Variants in PARD3B observed in about 807,000 individuals in gnomAD.
The protein encoded by PARD3B is par-3 family cell polarity regulator beta.
Under a neutral mutation model 130.2 loss-of-function variants are expected in PARD3B, and 103 were observed. That is an observed-to-expected ratio of 0.79 (90% confidence interval 0.67 to 0.93). The LOEUF is 0.93. Ranked by LOEUF, PARD3B falls within the 40% of genes least tolerant of loss-of-function variation. The pLI, the probability that PARD3B is intolerant of heterozygous loss-of-function variation, is 0.00. For missense variants in PARD3B, 1,609 were observed against 1,499.2 expected, an observed-to-expected ratio of 1.07 and a Z score of -1.21; for synonymous variants, 583 against 553.2, an observed-to-expected ratio of 1.05 and a Z score of -0.76.
chr2:204,678,807 C>T lies in PARD3B; in HGVS notation c.121-7374C>T, dbSNP rs965958819. On this transcript the variant is annotated intron_variant, in intron 1 of 22. Transcript: ENST00000406610. This position sits in a 1 kb window ranked among gnomAD's most constrained non-coding sequence, Gnocchi z 4.2. ...GGATAACTGTTTTCATTTAGGGCTG[C>T]AGATTCCAGGCTCGAGGGTGGGTTC... Among the ~76,000 whole-genome samples, 6 of 152,240 alleles carry T rather than the reference C, an allele frequency of 3.9e-5. No homozygotes were observed. The highest frequency in any genetic ancestry group is 3.3e-4 in the Admixed American group (5 of 15,294).
rs537427710 is a variant in PARD3B, at chr2:205,590,844, C to G, written c.3261-24612C>G. ...GTCAAACCAGTACACCAAACCCTCT[C>G]TGCTTCCGGTCTGCTTGTCATTTGA... is the stretch of plus-strand genomic sequence containing the variant. On this transcript the variant is annotated intron_variant, in intron 22 of 22. Transcript: ENST00000406610. The surrounding 1 kb of genome is among the most constrained non-coding windows in gnomAD (Gnocchi z 4.1). 1.3e-5 allele frequency among the ~76,000 whole-genome samples: 2 copies of G among 152,214 alleles called. No individual in the cohort carries two copies. The highest frequency in any genetic ancestry group is 4.8e-5 in the African/African-American group (2 of 41,546).
chr2:204,676,569 T>C (rs1377528361), intron 1 of PARD3B, among the ~76,000 whole-genome samples: 1 of 151,986 alleles, frequency 6.6e-6, no homozygotes, highest in Admixed American at 6.6e-5. Context: ...TCTTATCCTG[T>C]AGCATCCTTG....
In PARD3B at chr2:205,584,305, CT is replaced by C. The variant is rs750899808; in HGVS notation, c.3260+30905del. On this transcript the variant is annotated intron_variant, in intron 22 of 22. Coordinates refer to ENST00000406610, the MANE Select transcript of PARD3B (RefSeq NM_001302769.2). The surrounding 1 kb of genome is among the most constrained non-coding windows in gnomAD (Gnocchi z 5.5). ...TGGATTACTTGTTGACATTATCATACTTTGGATATATTGGGTTAAGTAAAAT... is the reference window on the plus strand; with the variant it reads ...TGGATTACTTGTTGACATTATCATACTTGGATATATTGGGTTAAGTAAAAT... Among the ~76,000 whole-genome samples the C allele has an allele frequency of 1.2e-4, 18 of 152,206 alleles. No individual in the cohort carries two copies. The highest frequency in any genetic ancestry group is 2.1e-4 in the Non-Finnish European group (14 of 68,002).
intron 18 of PARD3B, among the ~76,000 whole-genome samples, chr2:205,375,097 G>A (rs2193077): frequency 0.56 from 85,571 of 151,994 alleles, 27,697 homozygotes; most frequent in South Asian, 0.76. Flanking sequence ...GATTCTCAAA[G>A]TTCCTCTTTG....
At chr2:205,217,198 A>C (rs974059269) in intron 15 of PARD3B, among the ~76,000 whole-genome samples, 2 of 152,194 alleles carry the variant, frequency 1.3e-5, no homozygotes, top group Admixed American at 6.5e-5. Flanking sequence ...ACAGGGTTGT[A>C]GGTGGCATTG....
chr2:205,599,279 A>G (rs1387151013), intron 22 of PARD3B, among the ~76,000 whole-genome samples: 2 of 152,204 alleles, frequency 1.3e-5, no homozygotes, highest in Admixed American at 6.5e-5. Context: ...TAGATCTTAC[A>G]TTGAGGCACA....
intron 2 of PARD3B, among the ~76,000 whole-genome samples, chr2:204,773,417 G>T (rs1206784959): frequency 6.6e-6 from 1 of 151,414 alleles, no homozygotes; most frequent in Non-Finnish European, 1.5e-5. Flanking sequence ...CTTAGAGATA[G>T]CTGTAACACA....
intron 2 of PARD3B, among the ~76,000 whole-genome samples, chr2:204,740,902 G>C (rs1392530309): frequency 1.3e-5 from 2 of 152,162 alleles, no homozygotes; most frequent in South Asian, 4.1e-4. Flanking sequence ...GTATCTTAAA[G>C]TGTGTTCATG....
chr2:205,488,362 G>A (rs1242983636), intron 20 of PARD3B, among the ~76,000 whole-genome samples: 3 of 152,172 alleles, frequency 2.0e-5, no homozygotes, highest in Non-Finnish European at 2.9e-5. Flanking sequence ...CATAGGGTTC[G>A]TGCTCCTATA....
intron 2 of PARD3B, among the ~76,000 whole-genome samples, chr2:204,822,043 A>G (rs2043381158): frequency 6.6e-6 from 1 of 152,242 alleles, no homozygotes. Flanking sequence ...GTGATTCCTT[A>G]ACTTGGCAAT....
chr2:204,936,056 G>C (rs1688427911), intron 2 of PARD3B, among the ~76,000 whole-genome samples: 1 of 152,220 alleles, frequency 6.6e-6, no homozygotes, highest in Non-Finnish European at 1.5e-5. Context: ...TTTGAAGATG[G>C]TTATAGATAG....
At chr2:205,329,437 T>C (rs2043038225) in intron 18 of PARD3B, among the ~76,000 whole-genome samples, 1 of 152,182 alleles carries the variant, frequency 6.6e-6, no homozygotes, top group Admixed American at 6.5e-5. Context: ...TCGACTAGCT[T>C]CTTAGCTCAG....
intron 22 of PARD3B, among the ~76,000 whole-genome samples, chr2:205,610,656 G>A (rs1392381791): frequency 6.6e-6 from 1 of 152,136 alleles, no homozygotes. Context: ...ACAGAGATAA[G>A]ACAGTATAAT....
Position 205,351,047 on chromosome 2 carries a change from T to C in PARD3B, c.2630+49346T>C, listed in dbSNP as rs1414570459. Among the ~76,000 whole-genome samples, 1 of 152,210 alleles carries C rather than the reference T, an allele frequency of 6.6e-6. No individual in the cohort carries two copies. The highest frequency in any genetic ancestry group is 1.5e-5 in the Non-Finnish European group (1 of 68,044). The stretch of plus-strand genomic sequence containing the variant: ...TAAGAGCAACTTCTAAAAAAATCTG[T>C]CTTCTTGGTTCAGTCTTGCTGGTTT... On this transcript the variant is annotated intron_variant, in intron 18 of 22. Transcript: ENST00000406610. This position sits in a 1 kb window ranked among gnomAD's most constrained non-coding sequence, Gnocchi z 4.2.
At chr2:205,305,236 G>T (rs1416286988) in intron 18 of PARD3B, among the ~76,000 whole-genome samples, 1 of 152,086 alleles carries the variant, frequency 6.6e-6, no homozygotes, top group Non-Finnish European at 1.5e-5. Flanking sequence ...TAGTTGCTGG[G>T]AATCTCCTAT....
chr2:204,985,017 T>G (rs901149982), intron 3 of PARD3B, among the ~76,000 whole-genome samples: 1 of 151,958 alleles, frequency 6.6e-6, no homozygotes, highest in Non-Finnish European at 1.5e-5. Context: ...TCTACCACGT[T>G]TGGCACGTCT....
chr2:205,426,107 C>T (rs552765308), intron 19 of PARD3B, among the ~76,000 whole-genome samples: 71 of 151,992 alleles, frequency 4.7e-4, no homozygotes, highest in African/African-American at 1.6e-3. Context: ...TGAAGGAGAT[C>T]GTTTAGAAAA....
chr2:205,556,775 C>G (rs2052905501), intron 22 of PARD3B, among the ~76,000 whole-genome samples: 2 of 152,172 alleles, frequency 1.3e-5, no homozygotes, highest in African/African-American at 2.4e-5. Flanking sequence ...AGAATGAAAT[C>G]AGCATTCCTT....
intron 21 of PARD3B, among the ~76,000 whole-genome samples, chr2:205,552,464 A>C (rs1007120273): frequency 6.6e-6 from 1 of 152,202 alleles, no homozygotes; most frequent in Non-Finnish European, 1.5e-5. Context: ...ACTGGAGTGC[A>C]GTGGCGTGAT....
Sources: allele counts gnomAD v4.1 joint callset (sites outside exome capture counted in the v4.1 genomes callset), GRCh38; gene constraint gnomAD v4.1.1; non-coding constraint Gnocchi (gnomAD v3.1); transcripts MANE v1.5; gene names NCBI Gene and HGNC (gene_info 2026-07-23, HGNC 2026-07-21).